Variants in ROCK1 observed in about 807,000 individuals in gnomAD.
ROCK1 encodes the protein rho-associated protein kinase 1.
A neutral mutation model predicts 196.8 loss-of-function variants in ROCK1; 36 were observed. The observed-to-expected ratio is 0.18, with a 90% confidence interval of 0.14 to 0.24. ROCK1 has a LOEUF of 0.24. Ranked by LOEUF, ROCK1 falls within the 10% of genes least tolerant of loss-of-function variation. The pLI, the probability that ROCK1 is intolerant of heterozygous loss-of-function variation, is 1.00. For synonymous variants in ROCK1, 443 were observed against 515.9 expected, an observed-to-expected ratio of 0.86 and a Z score of 1.91; for missense variants, 920 against 1,562.0, an observed-to-expected ratio of 0.59 and a Z score of 6.93.
chr18:21,091,742 G>A (rs1242990734), intron 1 of ROCK1, among the ~76,000 whole-genome samples: 10 of 152,204 alleles, frequency 6.6e-5, no homozygotes, highest in African/African-American at 1.9e-4. Context: ...AGGCCGAGGC[G>A]AGTGGATCAC....
intron 16 of ROCK1, 123 bp from the exon 17 acceptor site, chr18:20,993,060 TTTA>T: frequency 3.4e-6 from 2 of 594,396 alleles, no homozygotes; most frequent in South Asian, 2.3e-5. Flanking sequence ...CCGATAAGAT[TTTA>T]TTAAGTGTTT....
intron 1 of ROCK1, among the ~76,000 whole-genome samples, chr18:21,081,394 C>T (rs2036481648): frequency 6.6e-6 from 1 of 151,732 alleles, no homozygotes; most frequent in Non-Finnish European, 1.5e-5. Context: ...GCTATAAATG[C>T]TTACATTTTA....
chr18:20,958,895 A>G (rs1180028841), intron 29 of ROCK1, among the ~76,000 whole-genome samples: 18 of 69,402 alleles, frequency 2.6e-4, no homozygotes, highest in African/African-American at 1.0e-3. Context: ...ATATATATTT[A>G]TTTATATATA....
chr18:21,067,726 T>A (rs2143546884), intron 2 of ROCK1, among the ~76,000 whole-genome samples: 1 of 152,296 alleles, frequency 6.6e-6, no homozygotes, highest in African/African-American at 2.4e-5. Context: ...AATAAAAGTT[T>A]TTTATTTTGA....
At chr18:21,033,854 TA>T (rs71269004) in intron 9 of ROCK1, among the ~76,000 whole-genome samples, 1,902 of 33,328 alleles carry the variant, frequency 0.057, 25 homozygotes, top group Middle Eastern at 0.12. Flanking sequence ...CCGTTTCTAC[TA>T]AAAAAAAAAA....
intron 1 of ROCK1, among the ~76,000 whole-genome samples, chr18:21,090,466 G>A (rs1415890388): frequency 6.6e-6 from 1 of 152,110 alleles, no homozygotes; most frequent in Non-Finnish European, 1.5e-5. Context: ...TTATTTTTGA[G>A]ACTCTGTATC....
At chr18:21,062,940 T>C (rs2036304194) in intron 2 of ROCK1, among the ~76,000 whole-genome samples, 1 of 152,196 alleles carries the variant, frequency 6.6e-6, no homozygotes, top group African/African-American at 2.4e-5. Flanking sequence ...CCTGCTCTCA[T>C]GGCACTTAAA....
At chr18:21,071,801 T>C (rs1456969773) in intron 1 of ROCK1, among the ~76,000 whole-genome samples, 1 of 152,210 alleles carries the variant, frequency 6.6e-6, no homozygotes, top group Non-Finnish European at 1.5e-5. Flanking sequence ...AAAAATAGTA[T>C]ATTTACATGA....
At chr18:21,054,394 C>A (rs1166626671) in intron 2 of ROCK1, among the ~76,000 whole-genome samples, 1 of 151,982 alleles carries the variant, frequency 6.6e-6, no homozygotes, top group South Asian at 2.1e-4. Flanking sequence ...TGAGATTTGG[C>A]CTGTGGGCTG....
intron 1 of ROCK1, among the ~76,000 whole-genome samples, chr18:21,078,060 G>A (rs1427872874): frequency 6.6e-6 from 1 of 152,188 alleles, no homozygotes; most frequent in East Asian, 1.9e-4. Flanking sequence ...CAGGCACAGT[G>A]GCTCATGCCT....
At position 21,006,742 on chromosome 18, in the gene ROCK1, T is replaced by A; in HGVS notation, c.1595A>T (p.Asn532Ile). 6.2e-7 allele frequency: 1 copy of A among 1,606,764 alleles called. No individual in the cohort carries two copies. The highest frequency in any genetic ancestry group is 8.5e-7 in the Non-Finnish European group (1 of 1,177,996). ...CAGCTTCTCATTAGCAAGCTGTGAA[T>A]TCTGACTGACTTTCTTTAAGTCTTC... ...QLEDLKKVSQ[N>I]SQLANEKLSQ... The change falls in exon 15 of 33, where the codon AAT becomes ATT. Residue 532 changes from asparagine to isoleucine, a missense_variant. Transcript: ENST00000399799.
At chr18:20,958,903 A>ATATTT (rs2035276922) in intron 29 of ROCK1, among the ~76,000 whole-genome samples, 4 of 108,010 alleles carry the variant, frequency 3.7e-5, no homozygotes, top group African/African-American at 1.1e-4. Context: ...TTATTTATAT[A>ATATTT]TATATATTTT....
intron 1 of ROCK1, among the ~76,000 whole-genome samples, chr18:21,081,007 A>C (rs2036478181): frequency 6.6e-6 from 1 of 152,142 alleles, no homozygotes; most frequent in Admixed American, 6.5e-5. Context: ...CTATAAACCA[A>C]CTGGACCTAA....
At chr18:20,980,399 G>A (rs1396501819) in intron 21 of ROCK1, among the ~76,000 whole-genome samples, 2 of 152,152 alleles carry the variant, frequency 1.3e-5, no homozygotes, top group East Asian at 3.9e-4. Context: ...ACTCCATGTA[G>A]ATGAAATTCT....
At chr18:21,005,643 G>A (rs746026204) in intron 16 of ROCK1, among the ~76,000 whole-genome samples, 29 of 152,156 alleles carry the variant, frequency 1.9e-4, no homozygotes, top group Non-Finnish European at 3.4e-4. Context: ...TTGGGAGGTC[G>A]AGGTGGGCGG....
intron 4 of ROCK1, among the ~76,000 whole-genome samples, chr18:21,046,206 G>A (rs547730470): frequency 3.4e-4 from 51 of 152,178 alleles, no homozygotes; most frequent in African/African-American, 1.2e-3. Flanking sequence ...CACTGCGCCC[G>A]GCCTCAGCTG....
At chr18:20,976,072 C>G (rs1338408492) in intron 22 of ROCK1, among the ~76,000 whole-genome samples, 7 of 152,112 alleles carry the variant, frequency 4.6e-5, no homozygotes, top group African/African-American at 1.7e-4. Context: ...CTTTCCTCAG[C>G]CTTTGTGTCT....
At chr18:20,961,421 A>G (rs1034627650) in intron 27 of ROCK1, among the ~76,000 whole-genome samples, 2 of 152,222 alleles carry the variant, frequency 1.3e-5, no homozygotes. Flanking sequence ...TAACCTATGT[A>G]TAAGTCCATG....
At chr18:20,966,847 C>G in intron 27 of ROCK1, 70 bp downstream of exon 27, 1 of 1,263,344 alleles carries the variant, frequency 7.9e-7, no homozygotes, top group Non-Finnish European at 1.1e-6. Context: ...GGTAGAAAAC[C>G]AAATGAAAGA....
Sources: gnomAD v4.1 joint callset for allele counts (sites outside exome capture counted in the v4.1 genomes callset) on GRCh38, gnomAD v4.1.1 for gene constraint, MANE v1.5 for transcripts, NCBI Gene and HGNC (gene_info 2026-07-23, HGNC 2026-07-21) for gene names.